The following KLF8 variants were observed in gnomAD, a reference collection of about 807,000 sequenced individuals.
KLF8 encodes the protein Krueppel-like factor 8.
A neutral mutation model predicts 18.2 loss-of-function variants in KLF8; 10 were observed. The observed-to-expected ratio is 0.55, with a 90% CI of 0.34 to 0.93. KLF8 has a LOEUF of 0.93. Ranked by LOEUF, KLF8 falls within the 40% of genes least tolerant of loss-of-function variation. The pLI is 0.02. For synonymous variants in KLF8, 109 were observed against 97.3 expected, an observed-to-expected ratio of 1.12 and a Z score of -0.71; for missense variants, 264 against 277.9, an observed-to-expected ratio of 0.95 and a Z score of 0.36.
chrX:55,973,905 T>C, the KLF8 span, among the ~76,000 whole-genome samples: 1 of 111,620 alleles, frequency 9.0e-6, no homozygotes, highest in African/African-American at 3.3e-5. Context: ...GCAGCAGTAT[T>C]CACAATAGCA....
the KLF8 span, among the ~76,000 whole-genome samples, chrX:55,953,441 T>C: frequency 1.3e-5 from 1 of 77,598 alleles, no homozygotes; most frequent in Non-Finnish European, 3.1e-5. Context: ...TCCCTCAAAA[T>C]CCCAGGTGGA....
the KLF8 span, among the ~76,000 whole-genome samples, chrX:55,923,692 A>T: frequency 9.4e-6 from 1 of 106,360 alleles, no homozygotes; most frequent in Non-Finnish European, 1.9e-5. Context: ...AACCCATAAC[A>T]CTTAAAGATC....
intron 5 of KLF8, among the ~76,000 whole-genome samples, chrX:56,279,247 T>C (rs1355583618): frequency 1.8e-5 from 2 of 111,362 alleles, no homozygotes; most frequent in Non-Finnish European, 1.9e-5. Flanking sequence ...GAAATTGGTG[T>C]TCTTGTTGGG....
the KLF8 span, among the ~76,000 whole-genome samples, chrX:56,106,153 T>C: frequency 9.0e-6 from 1 of 111,324 alleles, no homozygotes; most frequent in Non-Finnish European, 1.9e-5. Context: ...CTTAACATGT[T>C]TTCCTCCATT....
At chrX:56,046,770 T>C in the KLF8 span, among the ~76,000 whole-genome samples, 213 of 111,703 alleles carry the variant, frequency 1.9e-3, no homozygotes, top group African/African-American at 6.7e-3. Context: ...ATACATTTTT[T>C]ATAGGTTACC....
chrX:56,188,408 G>C, the KLF8 span, among the ~76,000 whole-genome samples: 1 of 111,764 alleles, frequency 8.9e-6, no homozygotes, highest in Non-Finnish European at 1.9e-5. Context: ...ATGATCATGG[G>C]TAGGAAGAAT....
rs2067259251 is a variant in KLF8, at chrX:56,285,547, G to T, written c.*1053G>T. 2 of 111,610 alleles carry T rather than the reference G, an allele frequency of 1.8e-5. No homozygotes were observed. The highest frequency in any genetic ancestry group is 3.8e-4 in the South Asian group (1 of 2,666). The allele number at this position is 111,610 out of a possible 1,213,427, so 9.2% of individuals were successfully genotyped here. A position where few individuals can be genotyped will look rare whatever the true frequency, so the allele number is the denominator to read the frequency against. The stretch of plus-strand genomic sequence containing the variant: ...TCACACACTAGGGTCATGTTATACA[G>T]AAGTAAGGGGTTGGAAAAATGGAAT... On this transcript the variant is annotated 3_prime_UTR_variant, in exon 6 of 6. Transcript: ENST00000468660.
At chrX:56,235,217 G>T (rs2066458979) in intron 1 of KLF8, among the ~76,000 whole-genome samples, 1 of 108,674 alleles carries the variant, frequency 9.2e-6, no homozygotes, top group Admixed American at 1.0e-4. Flanking sequence ...GGCAGTATAT[G>T]ATCTTCTAAG....
the KLF8 span, among the ~76,000 whole-genome samples, chrX:56,024,529 T>A: frequency 9.0e-6 from 1 of 111,549 alleles, no homozygotes; most frequent in Non-Finnish European, 1.9e-5. Flanking sequence ...TTTAATCAGC[T>A]GGAAGGATCG....
the KLF8 span, among the ~76,000 whole-genome samples, chrX:56,133,296 A>G: frequency 8.9e-6 from 1 of 112,362 alleles, no homozygotes; most frequent in Non-Finnish European, 1.9e-5. Flanking sequence ...ATCCAACAGC[A>G]TATCAAAGAG....
the KLF8 span, among the ~76,000 whole-genome samples, chrX:55,945,251 C>T: frequency 9.0e-6 from 1 of 110,593 alleles, no homozygotes; most frequent in South Asian, 3.9e-4. Flanking sequence ...TTACTTCCAA[C>T]TATGCGGTCA....
At chrX:55,949,397 T>A in the KLF8 span, among the ~76,000 whole-genome samples, 1 of 107,186 alleles carries the variant, frequency 9.3e-6, no homozygotes, top group Non-Finnish European at 1.9e-5. Flanking sequence ...AAAGAATTAG[T>A]CAAGTTATAC....
At chrX:55,956,184 CTATCTATG>C in the KLF8 span, among the ~76,000 whole-genome samples, 1,288 of 108,766 alleles carry the variant, frequency 0.012, 22 homozygotes, top group African/African-American at 0.04. Flanking sequence ...ATCTATCTAT[CTATCTATG>C]TATCTATCTA....
At chrX:56,159,968 T>C in the KLF8 span, among the ~76,000 whole-genome samples, 1 of 111,837 alleles carries the variant, frequency 8.9e-6, no homozygotes, top group Non-Finnish European at 1.9e-5. Context: ...CTAGTTCTTT[T>C]AATTGTGATA....
the KLF8 span, among the ~76,000 whole-genome samples, chrX:56,140,088 T>C: frequency 8.9e-6 from 1 of 112,181 alleles, no homozygotes; most frequent in Non-Finnish European, 1.9e-5. Context: ...ATGACTTTTA[T>C]TAAGAAGTCA....
chrX:56,080,474 G>A, the KLF8 span, among the ~76,000 whole-genome samples: 1 of 110,863 alleles, frequency 9.0e-6, no homozygotes, highest in African/African-American at 3.3e-5. Flanking sequence ...TTGAATATTG[G>A]CCCCCATTCT....
chrX:55,992,890 T>A, the KLF8 span, among the ~76,000 whole-genome samples: 1 of 111,487 alleles, frequency 9.0e-6, no homozygotes, highest in Non-Finnish European at 1.9e-5. Flanking sequence ...CTTGGTTTGG[T>A]TCTTAGCTTG....
At chrX:56,214,557 T>A in the KLF8 span, among the ~76,000 whole-genome samples, 347 of 112,254 alleles carry the variant, frequency 3.1e-3, 1 homozygote, top group African/African-American at 0.011. Context: ...CCTCAGTCAA[T>A]CCAACATGAC....
At chrX:56,049,619 A>C in the KLF8 span, among the ~76,000 whole-genome samples, 33 of 101,986 alleles carry the variant, frequency 3.2e-4, no homozygotes, top group Non-Finnish European at 5.8e-4. Flanking sequence ...GATGAAGCCC[A>C]CTTGATCATG....
Sources: allele counts gnomAD v4.1 joint callset (sites outside exome capture counted in the v4.1 genomes callset), GRCh38; gene constraint gnomAD v4.1.1; transcripts MANE v1.5; gene names NCBI Gene and HGNC (gene_info 2026-07-23, HGNC 2026-07-21).